The following TOX3 variants were observed in gnomAD, a reference collection of about 807,000 sequenced individuals.
The protein encoded by TOX3 is TOX high mobility group box family member 3, also known as CAG trinucleotide repeat-containing gene F9 protein.
Under a neutral mutation model 64.3 loss-of-function variants are expected in TOX3, and 22 were observed. That is an observed-to-expected ratio of 0.34 (90% confidence interval 0.24 to 0.49). The LOEUF is 0.49. Ranked by LOEUF, TOX3 falls within the 20% of genes least tolerant of loss-of-function variation. The probability of loss-of-function intolerance (pLI) is 0.99; values close to 1 mark genes in which losing one functional copy is unlikely to be tolerated. For synonymous variants in TOX3, 291 were observed against 273.6 expected (o/e 1.06, Z -0.63); for missense variants, 661 against 714.4 (o/e 0.93, Z 0.85).
At chr16:52,510,651 G>A (rs1596842994) in intron 1 of TOX3, among the ~76,000 whole-genome samples, 1 of 151,588 alleles carries the variant, frequency 6.6e-6, no homozygotes, top group East Asian at 2.0e-4. Flanking sequence ...AGCTGCTTGG[G>A]GCGCTGAGGC....
intron 1 of TOX3, among the ~76,000 whole-genome samples, chr16:52,499,629 A>G (rs1414233923): frequency 6.6e-6 from 1 of 152,188 alleles, no homozygotes; most frequent in Non-Finnish European, 1.5e-5. Context: ...AGGATGCTAA[A>G]ACCAGTTGTG....
intron 3 of TOX3, among the ~76,000 whole-genome samples, chr16:52,451,131 G>A (rs1326360704): frequency 6.6e-6 from 1 of 152,180 alleles, no homozygotes; most frequent in Admixed American, 6.5e-5. Context: ...GTTTGCTTTA[G>A]GGCACCCTTT....
chr16:52,460,362 G>C (rs984713288), intron 3 of TOX3, among the ~76,000 whole-genome samples: 1 of 152,088 alleles, frequency 6.6e-6, no homozygotes, highest in Non-Finnish European at 1.5e-5. Context: ...TCAGACCAGA[G>C]ACAATTATTT....
chr16:52,513,089 CT>C (rs1052716375), intron 1 of TOX3, among the ~76,000 whole-genome samples: 2 of 152,178 alleles, frequency 1.3e-5, no homozygotes, highest in African/African-American at 4.8e-5. Flanking sequence ...CAGCAACTGA[CT>C]CTTTGGGGAG....
rs751494331 is a variant in TOX3 at position 52,439,694 on chromosome 16, G to T, written c.1262C>A (p.Thr421Lys). 1.9e-6 allele frequency: 3 copies of T among 1,613,998 alleles called. No individual in the cohort carries two copies. The highest frequency in any genetic ancestry group is 2.2e-5 in the East Asian group (1 of 44,876). ...IGAPLISSMG[T>K]TMVGSAPSTQ... ...GGAGGGTGCTGAGCCAACCATGGTC[G>T]TTCCCATGGAGCTTATCAGTGGAGC... The change falls in exon 7 of 7, where the codon ACG (threonine) becomes AAG (lysine). Residue 421 changes from threonine (T) to lysine (K), a missense_variant. Thr to Lys is a moderately conservative substitution (Grantham distance 78, BLOSUM62 -1). Transcript: ENST00000219746.
intron 1 of TOX3, among the ~76,000 whole-genome samples, chr16:52,542,349 A>C (rs766793463): frequency 3.9e-5 from 6 of 152,240 alleles, no homozygotes; most frequent in Non-Finnish European, 7.3e-5. Context: ...ATCCTCATCT[A>C]CATATGAATT....
intron 1 of TOX3, among the ~76,000 whole-genome samples, chr16:52,471,363 T>C (rs1961041325): frequency 6.6e-6 from 1 of 152,148 alleles, no homozygotes; most frequent in African/African-American, 2.4e-5. Flanking sequence ...CTTTAGTCAT[T>C]TGGTGTAAGA....
intron 1 of TOX3, among the ~76,000 whole-genome samples, chr16:52,528,119 G>A (rs973175129): frequency 6.6e-6 from 1 of 152,210 alleles, no homozygotes; most frequent in Admixed American, 6.5e-5. Context: ...AAAATATTCT[G>A]AAGTAGGATT....
intron 1 of TOX3, among the ~76,000 whole-genome samples, chr16:52,537,530 C>T (rs899161796): frequency 1.3e-5 from 2 of 152,178 alleles, no homozygotes; most frequent in Non-Finnish European, 2.9e-5. Flanking sequence ...AATCATCAAG[C>T]TTCACTCCAG....
chr16:52,539,597 C>T (rs190340656), intron 1 of TOX3, among the ~76,000 whole-genome samples: 2 of 152,208 alleles, frequency 1.3e-5, no homozygotes, highest in Admixed American at 1.3e-4. Context: ...CATTTCCTGT[C>T]TCCTTCCTCT....
At chr16:52,494,675 C>G (rs1961790250) in intron 1 of TOX3, among the ~76,000 whole-genome samples, 1 of 152,226 alleles carries the variant, frequency 6.6e-6, no homozygotes, top group South Asian at 2.1e-4. Context: ...ATCATCCTCT[C>G]AACATTTTGA....
chr16:52,475,829 G>A (rs961896568), intron 1 of TOX3, among the ~76,000 whole-genome samples: 12 of 152,068 alleles, frequency 7.9e-5, no homozygotes, highest in Non-Finnish European at 1.2e-4. Flanking sequence ...TTAAAAATGC[G>A]CATTACCCGC....
intron 1 of TOX3, among the ~76,000 whole-genome samples, chr16:52,532,675 C>T (rs546024948): frequency 1.1e-4 from 16 of 152,290 alleles, no homozygotes; most frequent in Admixed American, 7.9e-4. Flanking sequence ...ACAGACAACA[C>T]GGGTCTGCCT....
chr16:52,445,666 C>A (rs897273541), intron 5 of TOX3: 88 of 242,844 alleles, frequency 3.6e-4, no homozygotes, highest in African/African-American at 1.9e-3. Flanking sequence ...CTTTGTAGTG[C>A]CCTTTTTGAA....
At chr16:52,525,782 T>C (rs539584160) in intron 1 of TOX3, among the ~76,000 whole-genome samples, 2 of 152,206 alleles carry the variant, frequency 1.3e-5, no homozygotes, top group Non-Finnish European at 2.9e-5. Flanking sequence ...GCAGTGATAA[T>C]GCACTTTAAT....
chr16:52,536,394 T>G (rs571938804), intron 1 of TOX3, among the ~76,000 whole-genome samples: 1 of 151,032 alleles, frequency 6.6e-6, no homozygotes, highest in African/African-American at 2.4e-5. Context: ...GTGAAGACAT[T>G]TGGGGAGAGG....
intron 1 of TOX3, among the ~76,000 whole-genome samples, chr16:52,536,651 A>G (rs1596868294): frequency 8.4e-6 from 1 of 118,420 alleles, no homozygotes; most frequent in South Asian, 2.9e-4. Context: ...ATATATATAT[A>G]TATATATATA....
At chr16:52,528,518 A>T (rs1962775398) in intron 1 of TOX3, among the ~76,000 whole-genome samples, 1 of 152,036 alleles carries the variant, frequency 6.6e-6, no homozygotes, top group African/African-American at 2.4e-5. Context: ...GGGCCAATAA[A>T]TGGTGGAACC....
intron 1 of TOX3, among the ~76,000 whole-genome samples, chr16:52,534,025 G>A (rs1344183396): frequency 6.6e-6 from 1 of 152,178 alleles, no homozygotes; most frequent in Admixed American, 6.5e-5. Context: ...TTCTTCATAA[G>A]TAAAAGATTG....
Sources: allele counts gnomAD v4.1 joint callset (sites outside exome capture counted in the v4.1 genomes callset), GRCh38; gene constraint gnomAD v4.1.1; transcripts MANE v1.5; gene names NCBI Gene and HGNC (gene_info 2026-07-23, HGNC 2026-07-21).